ZNF341: variants seen among roughly 807,000 people sequenced by gnomAD.
ZNF341 encodes the protein zinc finger protein 341.
In ZNF341, 52 loss-of-function variants were observed where a neutral mutation model predicts 87.7. The ratio of observed to expected loss-of-function variants is 0.59; its 90% CI spans 0.47 to 0.75. ZNF341 has a LOEUF of 0.75. Ranked by LOEUF, ZNF341 falls within the 30% of genes least tolerant of loss-of-function variation. ZNF341 has a pLI of 0.00. For missense variants in ZNF341, 977 were observed against 1,145.9 expected (o/e 0.85, Z 2.13); for synonymous variants, 459 against 472.7 (o/e 0.97, Z 0.38).
In ZNF341 at chr20:33,789,569, C is replaced by G. The variant is rs1391126965; in HGVS notation, c.2016C>G (p.Ala672=). The change falls in exon 14 of 15, where the codon GCC becomes GCG. Residue 672 remains alanine (A), a synonymous_variant. Transcript: ENST00000375200. ...TCAACCGGCCGGACAAGCTGAAGGC[C>G]CACATCCTCTCCCACTCTGGTAAGT... ...KEFNRPDKLK[A]HILSHSGMKL... is the part of the protein sequence containing the mutation. 1.2e-6 allele frequency: 2 copies of G among 1,614,052 alleles called. No individual in the cohort carries two copies.
chr20:33,746,078 C>G (rs1324938935), intron 3 of ZNF341, among the ~76,000 whole-genome samples: 3 of 146,304 alleles, frequency 2.1e-5, no homozygotes, highest in Admixed American at 6.9e-5. Context: ...CTACAGGTGC[C>G]CGCCACCACA....
At chr20:33,752,726 C>T (rs1382633967) in intron 4 of ZNF341, among the ~76,000 whole-genome samples, 2 of 148,764 alleles carry the variant, frequency 1.3e-5, no homozygotes, top group African/African-American at 2.5e-5. Flanking sequence ...AATCTCCACT[C>T]ACTGCCAGCT....
chr20:33,747,386 C>A (rs1374883283), intron 3 of ZNF341, among the ~76,000 whole-genome samples: 1 of 136,046 alleles, frequency 7.4e-6, no homozygotes, highest in Non-Finnish European at 1.5e-5. Flanking sequence ...GAGGCCGAGG[C>A]GGGCGGATCA....
At chr20:33,735,545 T>A (rs1407705799) in intron 1 of ZNF341, among the ~76,000 whole-genome samples, 4 of 152,144 alleles carry the variant, frequency 2.6e-5, no homozygotes, top group African/African-American at 9.7e-5. Context: ...CTTGAACTCC[T>A]AGCATCAAGC....
chr20:33,791,259 C>A lies in ZNF341; in HGVS notation c.2307C>A (p.Asp769Glu). The change falls in exon 15 of 15, where the codon GAC becomes GAA. Residue 769 changes from aspartate to glutamate, a missense_variant. This residue lies in a region of ZNF341 where 221 missense variants were observed against 212.7 expected (regional missense o/e 1.04). Coordinates refer to ENST00000375200, the MANE Select transcript of ZNF341 (RefSeq NM_001282933.2). ...GGRKVLTPLPDPLGLEELKDT... is the reference protein window; with the variant it reads ...GGRKVLTPLPEPLGLEELKDT... ...GCAAGGTGCTGACCCCCTTGCCTGA[C>A]CCGCTGGGGCTGGAGGAGCTGAAGG... 6.2e-7 allele frequency: 1 copy of A among 1,611,922 alleles called. No individual in the cohort carries two copies. The highest frequency in any genetic ancestry group is 8.5e-7 in the Non-Finnish European group (1 of 1,179,558).
intron 7 of ZNF341, among the ~76,000 whole-genome samples, chr20:33,760,754 G>T (rs2019274009): frequency 6.6e-6 from 1 of 151,956 alleles, no homozygotes; most frequent in Non-Finnish European, 1.5e-5. Flanking sequence ...ATGTTGCCCA[G>T]GCTGGTCTTG....
chr20:33,747,984 G>A (rs1164776314), intron 3 of ZNF341, among the ~76,000 whole-genome samples: 2 of 151,238 alleles, frequency 1.3e-5, no homozygotes, highest in Non-Finnish European at 2.9e-5. Context: ...ATGAGCCACC[G>A]TGCCACACCA....
intron 1 of ZNF341, among the ~76,000 whole-genome samples, chr20:33,737,041 C>T (rs2018703094): frequency 6.6e-6 from 1 of 152,110 alleles, no homozygotes; most frequent in African/African-American, 2.4e-5. Flanking sequence ...AAGGCTGTGC[C>T]CTGGAGCCAA....
rs763511498 is a variant in ZNF341, at chr20:33,732,007, G to A, written c.-15G>A. ...GGGCTTCGGTTCCTGTGGCGGCGACGGCGGCGGCTCCAAGATGGCGCAGGC... is the reference window on the plus strand; with the variant it reads ...GGGCTTCGGTTCCTGTGGCGGCGACAGCGGCGGCTCCAAGATGGCGCAGGC... On this transcript the variant is annotated 5_prime_UTR_variant, in exon 1 of 15. Coordinates refer to ENST00000375200, the MANE Select transcript of ZNF341 (RefSeq NM_001282933.2). This position sits in a 1 kb window ranked among gnomAD's most constrained non-coding sequence, Gnocchi z 4.5. 8 of 1,436,102 alleles carry A rather than the reference G, an allele frequency of 5.6e-6. No individual in the cohort carries two copies. Among genetic ancestry groups the A allele is most frequent in the African/African-American group, 1.5e-5 (1 of 66,840 alleles). 89.0% of individuals were successfully genotyped at this position (1,436,102 alleles called of 1,614,324 possible).
chr20:33,756,368 CTTT>C (rs5841147), intron 5 of ZNF341, among the ~76,000 whole-genome samples: 16 of 137,054 alleles, frequency 1.2e-4, no homozygotes, highest in Admixed American at 1.4e-4. Flanking sequence ...CTCTCTCTCT[CTTT>C]TTTTTTTTTT....
chr20:33,743,584 C>A (rs556601166), intron 2 of ZNF341, among the ~76,000 whole-genome samples: 3 of 152,152 alleles, frequency 2.0e-5, no homozygotes, highest in Non-Finnish European at 4.4e-5. Context: ...AGTGATCCAC[C>A]CACCTTGGCC....
At chr20:33,751,872 G>T (rs1043050790) in intron 4 of ZNF341, among the ~76,000 whole-genome samples, 1 of 152,104 alleles carries the variant, frequency 6.6e-6, no homozygotes, top group African/African-American at 2.4e-5. Flanking sequence ...CCAAGCCCAA[G>T]GCCAGGGTTT....
chr20:33,750,670 C>T (rs6059452), intron 4 of ZNF341, among the ~76,000 whole-genome samples: 8,560 of 151,556 alleles, frequency 0.056, 818 homozygotes, highest in African/African-American at 0.2. Context: ...GATGGAGTCT[C>T]GCTCTTGTCA....
rs2019064494 is a variant in ZNF341, at chr20:33,751,912, G to A, written c.490-1260G>A. 2.0e-5 allele frequency among the ~76,000 whole-genome samples: 3 copies of A among 152,232 alleles called. No homozygotes were observed. The South Asian group carries it at 6.2e-4, about 32-fold the overall frequency. On this transcript the variant is annotated intron_variant, in intron 4 of 14. Transcript: ENST00000375200. ...TAGGGATTGGTCATGTAGGTGACCAGCCACCATGACCAAAATTCCAGACTC... is the reference window on the plus strand; with the variant it reads ...TAGGGATTGGTCATGTAGGTGACCAACCACCATGACCAAAATTCCAGACTC...
chr20:33,747,914 G>A (rs1601241845), intron 3 of ZNF341, among the ~76,000 whole-genome samples: 1 of 151,056 alleles, frequency 6.6e-6, no homozygotes, highest in South Asian at 2.1e-4. Flanking sequence ...GGCTGGTCTC[G>A]AACTCCTGAC....
intron 8 of ZNF341, among the ~76,000 whole-genome samples, chr20:33,764,319 G>A (rs1042956012): frequency 6.6e-5 from 10 of 150,638 alleles, no homozygotes; most frequent in African/African-American, 9.7e-5. Flanking sequence ...GAGCCACTGC[G>A]CCTGGCCCCC....
At position 33,791,420 on chromosome 20, in the gene ZNF341, G is replaced by A. The variant is rs760578350; in HGVS notation, c.2468G>A (p.Gly823Glu). 1.2e-6 allele frequency: 2 copies of A among 1,611,740 alleles called. No homozygotes were observed. Among genetic ancestry groups the A allele is most frequent in the South Asian group, 1.1e-5 (1 of 90,990 alleles). Residue 823 changes from glycine (G) to glutamate (E), a missense_variant, in exon 15 of 15, where the codon GGG (glycine) becomes GAG (glutamate). By Grantham distance (98) the Gly-to-Glu change is moderately conservative (BLOSUM62 -2). Coordinates refer to ENST00000375200, the MANE Select transcript of ZNF341 (RefSeq NM_001282933.2). ...TELVVPGHAE[G>E]LGSNLALAEL... ...CTGGTGGTACCTGGACACGCTGAGG[G>A]GCTGGGCTCCAACCTGGCTCTGGCG...
chr20:33,741,196 T>C (rs1422695974), intron 2 of ZNF341, among the ~76,000 whole-genome samples, 184 bp downstream of exon 2: 1 of 152,158 alleles, frequency 6.6e-6, no homozygotes, highest in Non-Finnish European at 1.5e-5. Flanking sequence ...TCTGCTTAGC[T>C]CTGAGGACAC....
chr20:33,738,816 G>T (rs1274735654), intron 1 of ZNF341, among the ~76,000 whole-genome samples: 1 of 152,228 alleles, frequency 6.6e-6, no homozygotes, highest in African/African-American at 2.4e-5. Flanking sequence ...CAGGCACAGT[G>T]TGGTGAGAGT....
Sources: gnomAD v4.1 joint callset for allele counts (sites outside exome capture counted in the v4.1 genomes callset) on GRCh38, gnomAD v4.1.1 for gene constraint, gnomAD v4.1.1 regional missense constraint, Gnocchi (gnomAD v3.1) non-coding constraint, MANE v1.5 for transcripts, NCBI Gene and HGNC (gene_info 2026-07-23, HGNC 2026-07-21) for gene names.